AOAH: variants seen among roughly 807,000 people sequenced by gnomAD.
AOAH encodes acyloxyacyl hydrolase.
In AOAH, 64 loss-of-function variants were observed where a neutral mutation model predicts 92.2. That is an observed-to-expected ratio of 0.69 (90% CI 0.57 to 0.86). The LOEUF is 0.86. AOAH is among the 40% of genes least tolerant of loss of function. The pLI is 0.00. For missense variants in AOAH, 656 were observed against 694.6 expected (o/e 0.94, Z 0.62); for synonymous variants, 263 against 254.5 (o/e 1.03, Z -0.32).
chr7:36,668,647 C>T (rs1426874267), intron 3 of AOAH, among the ~76,000 whole-genome samples: 5 of 152,120 alleles, frequency 3.3e-5, no homozygotes, highest in East Asian at 1.9e-4. Flanking sequence ...CCGCCACCCC[C>T]GGCTAATTTT....
At chr7:36,557,637 T>G (rs1201546755) in intron 13 of AOAH, among the ~76,000 whole-genome samples, 10 of 152,232 alleles carry the variant, frequency 6.6e-5, no homozygotes, top group Admixed American at 2.6e-4. Flanking sequence ...AGACGTAGAT[T>G]TGGTCTTTTC....
At chr7:36,634,609 G>A (rs1793383207) in intron 5 of AOAH, among the ~76,000 whole-genome samples, 1 of 152,168 alleles carries the variant, frequency 6.6e-6, no homozygotes. Context: ...TGTCTGAGGA[G>A]TTTTGTTTGC....
chr7:36,648,466 A>G (rs1246695418), intron 4 of AOAH, among the ~76,000 whole-genome samples: 1 of 152,098 alleles, frequency 6.6e-6, no homozygotes, highest in African/African-American at 2.4e-5. Flanking sequence ...CAAACAGAAA[A>G]TAATTCATTG....
intron 8 of AOAH, 114 bp downstream of exon 8, chr7:36,621,596 G>T: frequency 9.9e-7 from 1 of 1,009,464 alleles, no homozygotes. Flanking sequence ...ATCGGAACAT[G>T]AAAATCTCTT....
At chr7:36,710,370 C>G (rs1236860834) in intron 1 of AOAH, among the ~76,000 whole-genome samples, 1 of 152,160 alleles carries the variant, frequency 6.6e-6, no homozygotes, top group Non-Finnish European at 1.5e-5. Flanking sequence ...GGGGCAGACT[C>G]TAGTAATTGA....
intron 13 of AOAH, chr7:36,550,256 C>A (rs6979432): frequency 0.13 from 20,064 of 151,990 alleles, 1,411 homozygotes; most frequent in African/African-American, 0.16. Flanking sequence ...ACTCGGGAGG[C>A]TGACGCAGGA....
intron 4 of AOAH, among the ~76,000 whole-genome samples, chr7:36,644,275 G>C (rs1035639710): frequency 2.0e-5 from 3 of 151,980 alleles, no homozygotes; most frequent in Non-Finnish European, 2.9e-5. Flanking sequence ...AGACCCACTT[G>C]GCACAAAGTC....
At chr7:36,616,525 C>G in intron 10 of AOAH, 51 bp from the exon 11 acceptor site, 1 of 1,484,626 alleles carries the variant, frequency 6.7e-7, no homozygotes, top group African/African-American at 1.4e-5. Context: ...TAGTTTGGAA[C>G]CTCCAGACTG....
chr7:36,613,245 G>A (rs1311205720), intron 11 of AOAH, among the ~76,000 whole-genome samples: 2 of 152,100 alleles, frequency 1.3e-5, no homozygotes, highest in South Asian at 2.1e-4. Context: ...AGGCTGTTCC[G>A]CTTTTTCCTG....
At chr7:36,621,851 A>G in intron 7 of AOAH, 71 bp from the exon 8 acceptor site, 1 of 1,386,634 alleles carries the variant, frequency 7.2e-7, no homozygotes, top group South Asian at 1.2e-5. Context: ...GGCTAATCAG[A>G]GTTGTCTGAA....
chr7:36,647,020 TTGAG>T (rs1048081096), intron 4 of AOAH, among the ~76,000 whole-genome samples: 4 of 152,312 alleles, frequency 2.6e-5, no homozygotes, highest in African/African-American at 9.6e-5. Flanking sequence ...CAAATAGTTG[TTGAG>T]TAATTAATGC....
intron 3 of AOAH, 35 bp from the exon 4 acceptor site, chr7:36,659,300 G>C: frequency 6.6e-7 from 1 of 1,525,130 alleles, no homozygotes; most frequent in Non-Finnish European, 9.1e-7. Context: ...AGGCTATTCA[G>C]ATCTCTTAGG....
chr7:36,647,955 C>T (rs113491095), intron 4 of AOAH, among the ~76,000 whole-genome samples: 8 of 151,934 alleles, frequency 5.3e-5, no homozygotes, highest in African/African-American at 1.5e-4. Flanking sequence ...CTCAGCCTCC[C>T]GAGCAGCTGG....
chr7:36,599,509 AT>A (rs1201664327), intron 11 of AOAH, among the ~76,000 whole-genome samples: 2 of 152,182 alleles, frequency 1.3e-5, no homozygotes, highest in Non-Finnish European at 2.9e-5. Flanking sequence ...TGAATGGATT[AT>A]TTTCAAACAG....
At chr7:36,682,115 G>A (rs1796685604) in intron 2 of AOAH, among the ~76,000 whole-genome samples, 1 of 152,238 alleles carries the variant, frequency 6.6e-6, no homozygotes, top group South Asian at 2.1e-4. Context: ...AATAGCTGGT[G>A]AATGCAAAGA....
At chr7:36,681,213 T>C (rs1203456381) in intron 2 of AOAH, among the ~76,000 whole-genome samples, 1 of 152,170 alleles carries the variant, frequency 6.6e-6, no homozygotes, top group Non-Finnish European at 1.5e-5. Context: ...ATAGTAATAA[T>C]ATTTTTCTTC....
intron 19 of AOAH, among the ~76,000 whole-genome samples, chr7:36,522,597 T>C (rs1197380671): frequency 6.6e-6 from 1 of 152,152 alleles, no homozygotes; most frequent in African/African-American, 2.4e-5. Flanking sequence ...ATCGCCACAT[T>C]TGGAGGGAGT....
intron 10 of AOAH, among the ~76,000 whole-genome samples, 157 bp from the exon 11 acceptor site, chr7:36,616,631 G>A (rs750678122): frequency 5.7e-4 from 87 of 152,172 alleles, no homozygotes; most frequent in Non-Finnish European, 2.4e-4. Context: ...AGAGTGAGGG[G>A]CATAGCATTT....
chr7:36,684,868 G>C (rs1796868900), intron 2 of AOAH, among the ~76,000 whole-genome samples: 1 of 129,582 alleles, frequency 7.7e-6, no homozygotes, highest in African/African-American at 3.0e-5. Flanking sequence ...AGGCTGCAGT[G>C]AGCAGTTCAC....
Sources: allele counts gnomAD v4.1 joint callset (sites outside exome capture counted in the v4.1 genomes callset), GRCh38; gene constraint gnomAD v4.1.1; transcripts MANE v1.5; gene names NCBI Gene and HGNC (gene_info 2026-07-23, HGNC 2026-07-21).